The following NUP93 variants were observed in gnomAD, a reference collection of about 807,000 sequenced individuals.
NUP93 encodes nucleoporin 93.
Under a neutral mutation model 107.8 loss-of-function variants are expected in NUP93, and 55 were observed. The observed-to-expected ratio is 0.51, with a 90% CI of 0.41 to 0.64. The LOEUF (loss-of-function observed/expected upper bound fraction) is 0.64, where lower values mean the gene tolerates loss of function less well. NUP93 is among the 30% of genes least tolerant of loss of function. The probability of loss-of-function intolerance (pLI) is 0.00; values close to 1 mark genes in which losing one functional copy is unlikely to be tolerated. For missense variants in NUP93, 937 were observed against 1,044.7 expected, an observed-to-expected ratio of 0.90 and a Z score of 1.42; for synonymous variants, 390 against 397.5, an observed-to-expected ratio of 0.98 and a Z score of 0.22.
intron 3 of NUP93, among the ~76,000 whole-genome samples, chr16:56,769,912 T>A (rs572326828): frequency 6.6e-6 from 1 of 152,234 alleles, no homozygotes; most frequent in Non-Finnish European, 1.5e-5. Context: ...TTGTATAATA[T>A]GATTTGTCTG....
At chr16:56,834,337 G>C (rs1260282769) in intron 14 of NUP93, 33 bp from the exon 15 acceptor site, 1 of 1,614,046 alleles carries the variant, frequency 6.2e-7, no homozygotes, top group Non-Finnish European at 8.5e-7. Flanking sequence ...CTCATGTCCA[G>C]ACTGGAAACT....
At chr16:56,764,136 A>G (rs1962177704) in intron 3 of NUP93, among the ~76,000 whole-genome samples, 1 of 152,194 alleles carries the variant, frequency 6.6e-6, no homozygotes, top group African/African-American at 2.4e-5. Flanking sequence ...AATATGCTCA[A>G]ACCACTTTTA....
chr16:56,782,139 T>C, intron 3 of NUP93: 1 of 985,348 alleles, frequency 1.0e-6, no homozygotes, highest in Non-Finnish European at 1.2e-6. Flanking sequence ...GCTCATCTCA[T>C]ATAAGAAGGT....
chr16:56,823,419 T>C (rs1001981639), intron 7 of NUP93, among the ~76,000 whole-genome samples: 21 of 152,158 alleles, frequency 1.4e-4, no homozygotes, highest in African/African-American at 4.8e-4. Flanking sequence ...TCTCGTGACT[T>C]GTATGTGGTT....
In NUP93 at chr16:56,738,945, CTTTTT is replaced by C. The variant is rs35518694; in HGVS notation, c.-15+8746_-15+8750del. ...CTGCTTAAAATTAAATGCTAAATTT[CTTTTT>C]TTTTTTTTTTTGCACCGCCCTTAAT... On this transcript the variant is annotated intron_variant, in intron 1 of 21. Transcript: ENST00000308159. Among the ~76,000 whole-genome samples the C allele has an allele frequency of 1.8e-3, 240 of 131,844 alleles. 9 individuals carry two copies. In the East Asian group the frequency reaches 0.047, roughly 26 times the overall value. The allele number at this position is 131,844 out of a possible 152,430, so 86.5% of individuals were successfully genotyped here.
rs532631040 is a variant in NUP93, at chr16:56,794,054, CTAGA to C, written c.298-4406_298-4403del. 8.9e-3 allele frequency among the ~76,000 whole-genome samples: 1,287 copies of C among 144,834 alleles called. 21 individuals carry two copies. The highest frequency in any genetic ancestry group is 0.03 in the African/African-American group (1,158 of 38,360). ...TGGGTGGCAGAGCGAGACTCCATCTCTAGATAGATAGATAGATAGGTAGGTAGGT... is the reference window on the plus strand; with the variant it reads ...TGGGTGGCAGAGCGAGACTCCATCTCTAGATAGATAGATAGGTAGGTAGGT... On this transcript the variant is annotated intron_variant, in intron 3 of 21. Coordinates refer to ENST00000308159, the MANE Select transcript of NUP93 (RefSeq NM_014669.5).
chr16:56,801,262 C>G (rs1464246170), intron 4 of NUP93, among the ~76,000 whole-genome samples: 2 of 152,118 alleles, frequency 1.3e-5, no homozygotes, highest in African/African-American at 4.8e-5. Flanking sequence ...TTCAATGGTT[C>G]AGATGTGGAT....
rs114304756 is a variant in NUP93, at chr16:56,813,655, G to C, written c.490-5009G>C. Among the ~76,000 whole-genome samples, 480 of 152,330 alleles carry C rather than the reference G, an allele frequency of 3.2e-3. 4 individuals carry two copies. Among genetic ancestry groups the C allele is most frequent in the African/African-American group, 0.011 (443 of 41,558 alleles). On this transcript the variant is annotated intron_variant, in intron 5 of 21. Transcript: ENST00000308159. Reference sequence around the variant, plus strand: ...CACCCAAACACAACCTGTCAGTGGTGTATACCCTTCCAGTTTCTCCCAGGG... The same window carrying C: ...CACCCAAACACAACCTGTCAGTGGTCTATACCCTTCCAGTTTCTCCCAGGG...
At chr16:56,805,795 A>G (rs982161728) in intron 5 of NUP93, 163 bp downstream of exon 5, 1 of 708,158 alleles carries the variant, frequency 1.4e-6, no homozygotes, top group East Asian at 2.9e-5. Context: ...ACTTCCTCCA[A>G]CATGTCTGCC....
In NUP93 at chr16:56,748,411, C is replaced by T. The variant is rs144159027; in HGVS notation, c.164C>T (p.Thr55Met). 48 of 1,612,176 alleles carry T rather than the reference C, an allele frequency of 3.0e-5. No individual in the cohort carries two copies. The highest frequency in any genetic ancestry group is 1.7e-4 in the Middle Eastern group (1 of 6,054). The change falls in exon 2 of 22, where the codon ACG becomes ATG. Residue 55 changes from threonine to methionine, a missense_variant. Thr to Met is a moderately conservative substitution (Grantham distance 81, BLOSUM62 -1). Coordinates refer to ENST00000308159, the MANE Select transcript of NUP93 (RefSeq NM_014669.5). ...ACCCTAACACGCACGTCCCAGGAGACGGCAGATGTCAAGGCGTGAGTACTG... is the reference window on the plus strand; with the variant it reads ...ACCCTAACACGCACGTCCCAGGAGATGGCAGATGTCAAGGCGTGAGTACTG... The part of the protein sequence containing the change: ...SRTLTRTSQE[T>M]ADVKASVLLG...
At chr16:56,796,329 A>G (rs1424332605) in intron 3 of NUP93, among the ~76,000 whole-genome samples, 1 of 152,180 alleles carries the variant, frequency 6.6e-6, no homozygotes, top group East Asian at 1.9e-4. Context: ...TGCCTGTAGT[A>G]TTCAGTACAG....
intron 1 of NUP93, among the ~76,000 whole-genome samples, chr16:56,746,202 T>C (rs1961818113): frequency 6.6e-6 from 1 of 152,200 alleles, no homozygotes; most frequent in Non-Finnish European, 1.5e-5. Flanking sequence ...GCTTTGTTTT[T>C]CTTTTCCCTT....
intron 3 of NUP93, among the ~76,000 whole-genome samples, chr16:56,766,019 A>G (rs2144493934): frequency 6.6e-6 from 1 of 152,378 alleles, no homozygotes; most frequent in South Asian, 2.1e-4. Context: ...GAAAATGTGA[A>G]AAACTGCTTT....
chr16:56,821,320 A>C (rs1466999945), intron 6 of NUP93, among the ~76,000 whole-genome samples, 184 bp from the exon 7 acceptor site: 1 of 152,168 alleles, frequency 6.6e-6, no homozygotes, highest in East Asian at 1.9e-4. Context: ...GTGGGGTGGC[A>C]GTTAGCTTTG....
In NUP93 at chr16:56,821,560, C is replaced by T. The variant is rs140226964; in HGVS notation, c.621C>T (p.Asp207=). 8.1e-6 allele frequency: 13 copies of T among 1,613,164 alleles called. No homozygotes were observed. Among genetic ancestry groups the T allele is most frequent in the African/African-American group, 1.3e-5 (1 of 74,866 alleles). The change falls in exon 7 of 22, where the codon GAC becomes GAT. Residue 207 remains aspartate (D), a synonymous_variant. Transcript: ENST00000308159. ...GACACCTGCAGCCTAACCTGGTGGA[C>T]CTTTGTGCTTCCGTCGCAGAGCTCG... ...VNGHLQPNLV[D]LCASVAELDD... is the part of the protein sequence containing the mutation.
intron 8 of NUP93, 74 bp from the exon 9 acceptor site, chr16:56,828,903 T>G: frequency 6.7e-7 from 1 of 1,491,832 alleles, no homozygotes; most frequent in Admixed American, 1.8e-5. Context: ...CAGTGTAATG[T>G]CATGGATATG....
intron 7 of NUP93, among the ~76,000 whole-genome samples, chr16:56,823,284 C>T (rs1050173884): frequency 2.6e-5 from 4 of 152,144 alleles, no homozygotes; most frequent in African/African-American, 4.8e-5. Flanking sequence ...TATTTTAAGC[C>T]TTTAGAAACT....
chr16:56,830,781 A>G, intron 10 of NUP93, 96 bp downstream of exon 10: 1 of 1,183,008 alleles, frequency 8.5e-7, no homozygotes, highest in Non-Finnish European at 1.1e-6. Flanking sequence ...ACGGGCCCAA[A>G]ACAAGTTTCT....
chr16:56,818,504 T>C (rs1330811458), intron 5 of NUP93, among the ~76,000 whole-genome samples, 160 bp from the exon 6 acceptor site: 1 of 152,242 alleles, frequency 6.6e-6, no homozygotes, highest in Non-Finnish European at 1.5e-5. Context: ...AAGTTGCATG[T>C]TATTGAAATC....
Sources: allele counts gnomAD v4.1 joint callset (sites outside exome capture counted in the v4.1 genomes callset), GRCh38; gene constraint gnomAD v4.1.1; transcripts MANE v1.5; gene names NCBI Gene and HGNC (gene_info 2026-07-23, HGNC 2026-07-21).